Variants in NDUFAB1 observed in about 807,000 individuals in gnomAD.
The protein encoded by NDUFAB1 is NADH:ubiquinone oxidoreductase subunit AB1.
NDUFAB1 carries 5 observed loss-of-function variants against 16.1 expected under a neutral mutation model. The ratio of observed to expected loss-of-function variants is 0.31; its 90% CI spans 0.16 to 0.65. The LOEUF (loss-of-function observed/expected upper bound fraction) is 0.65, where lower values mean the gene tolerates loss of function less well. NDUFAB1 is among the 30% of genes least tolerant of loss of function. The pLI is 0.77. For synonymous variants in NDUFAB1, 85 were observed against 78.4 expected, an observed-to-expected ratio of 1.08 and a Z score of -0.44; for missense variants, 187 against 205.3, an observed-to-expected ratio of 0.91 and a Z score of 0.54.
At chr16:23,581,413 G>A (rs886098064) in intron 4 of NDUFAB1, among the ~76,000 whole-genome samples, 2 of 152,066 alleles carry the variant, frequency 1.3e-5, no homozygotes, top group Non-Finnish European at 2.9e-5. Flanking sequence ...GGGCGTGGAG[G>A]TGCACGCCTG....
At position 23,584,199 on chromosome 16, in the gene NDUFAB1, T is replaced by C. The variant is rs555039327; in HGVS notation, c.379+1137A>G. Among the ~76,000 whole-genome samples the C allele has an allele frequency of 2.2e-3, 285 of 129,702 alleles. 4 individuals are homozygous for C. Among genetic ancestry groups the C allele is most frequent in the Admixed American group, 3.1e-3 (36 of 11,612 alleles). 85.1% of individuals were successfully genotyped at this position (129,702 alleles called of 152,430 possible). On this transcript the variant is annotated intron_variant, in intron 3 of 4. Transcript: ENST00000007516. ...TTACCTGCTGACCTTCCCTCCACTA[T>C]TGTCCTATGACCCTGCCAAATCCCC...
intron 3 of NDUFAB1, among the ~76,000 whole-genome samples, chr16:23,583,550 A>G (rs1362193528): frequency 1.8e-5 from 2 of 108,132 alleles, no homozygotes; most frequent in African/African-American, 3.6e-5. Context: ...CCGCGACCCC[A>G]TCTGGGAGGT....
Position 23,596,188 on chromosome 16 carries a change from C to T in NDUFAB1, c.103G>A (p.Ala35Thr), listed in dbSNP as rs1369686521. 6 of 1,610,862 alleles carry T rather than the reference C, an allele frequency of 3.7e-6. No homozygotes were observed. Among genetic ancestry groups the T allele is most frequent in the African/African-American group, 1.3e-5 (1 of 74,550 alleles). ...MLAVARPLST[A>T]LCSAGTQTRL... ...GTCTGGGTCCCCGCGGAGCAGAGAG[C>T]GGTGCTGAGAGGCCGGGCCACGGCC... The change falls in exon 1 of 5, where the codon GCT (alanine) becomes ACT (threonine). Residue 35 changes from alanine to threonine, a missense_variant. By Grantham distance (58) the Ala-to-Thr change is moderately conservative. Around this residue, in one of 3 missense-constraint regions of NDUFAB1, gnomAD observed 135 missense variants for 129.4 expected, o/e 1.04. Coordinates refer to ENST00000007516, the MANE Select transcript of NDUFAB1 (RefSeq NM_005003.3).
intron 1 of NDUFAB1, 66 bp downstream of exon 1, chr16:23,596,057 G>A: frequency 6.5e-7 from 1 of 1,534,390 alleles, no homozygotes. Flanking sequence ...CGGATGCCCG[G>A]CCCCCACCCC....
chr16:23,590,144 T>C (rs1036429716), intron 1 of NDUFAB1, among the ~76,000 whole-genome samples: 2 of 152,222 alleles, frequency 1.3e-5, no homozygotes, highest in African/African-American at 4.8e-5. Context: ...AACTAGGTTG[T>C]CAGCATTGTC....
chr16:23,582,562 G>GGTTTGTTT (rs1175906519), intron 3 of NDUFAB1, among the ~76,000 whole-genome samples, 187 bp from the exon 4 acceptor site: 2 of 132,598 alleles, frequency 1.5e-5, no homozygotes, highest in African/African-American at 6.0e-5. Context: ...ATGCTTTGGA[G>GGTTTGTTT]GTATGTTTGT....
chr16:23,595,403 C>T (rs1847114356), intron 1 of NDUFAB1: 1 of 370,230 alleles, frequency 2.7e-6, no homozygotes, highest in South Asian at 2.0e-5. Context: ...GGACCCCCGA[C>T]TATACCCAAA....
At position 23,582,388 on chromosome 16, in the gene NDUFAB1, T is replaced by TA; in HGVS notation, c.380-14dup. 2 of 1,544,482 alleles carry TA rather than the reference T, an allele frequency of 1.3e-6. No homozygotes were observed. Among genetic ancestry groups the TA allele is most frequent in the Non-Finnish European group, 1.7e-6 (2 of 1,149,932 alleles). ...GGAATTTCAAACCCTAAAAGAAAAATATACAACAATGTGAGAGAGTTAAAA... is the reference window on the plus strand; with the variant it reads ...GGAATTTCAAACCCTAAAAGAAAAATAATACAACAATGTGAGAGAGTTAAAA... On this transcript the variant is annotated splice_polypyrimidine_tract_variant and intron_variant, in intron 3 of 4. Coordinates refer to ENST00000007516, the MANE Select transcript of NDUFAB1 (RefSeq NM_005003.3).
intron 1 of NDUFAB1, among the ~76,000 whole-genome samples, chr16:23,589,486 G>A (rs1188351984): frequency 1.3e-5 from 2 of 152,088 alleles, no homozygotes; most frequent in African/African-American, 2.4e-5. Flanking sequence ...CACATGACCG[G>A]CCTACTTAAC....
Position 23,587,271 on chromosome 16 carries a change from G to C in NDUFAB1, c.217C>G (p.Pro73Ala). 12 of 1,614,040 alleles carry C rather than the reference G, an allele frequency of 7.4e-6. No individual in the cohort carries two copies. Among genetic ancestry groups the C allele is most frequent in the Non-Finnish European group, 9.3e-6 (11 of 1,179,922 alleles). The change falls in exon 2 of 5, where the codon CCT (proline) becomes GCT (alanine). Residue 73 changes from proline to alanine, a missense_variant. Around this residue, in one of 3 missense-constraint regions of NDUFAB1, gnomAD observed 135 missense variants for 129.4 expected, o/e 1.04. Coordinates refer to ENST00000007516, the MANE Select transcript of NDUFAB1 (RefSeq NM_005003.3). ...QLCRQYSDMP[P>A]LTLEGIQDRV... ...TCCTGGATGCCCTCTAACGTCAAAG[G>C]AGGCATGTCGCTATACTGGCGGCAC...
At position 23,584,677 on chromosome 16, in the gene NDUFAB1, G is replaced by T. The variant is rs116751766; in HGVS notation, c.379+659C>A. Among the ~76,000 whole-genome samples the T allele has an allele frequency of 2.3e-3, 351 of 152,210 alleles. 1 individual carries two copies. Among genetic ancestry groups the T allele is most frequent in the African/African-American group, 8.0e-3 (334 of 41,550 alleles). ...CAGTTACTTGTCCAGGCTCATACCT[G>T]ACTAAGCTCAATTCCAGACCTGGTA... On this transcript the variant is annotated intron_variant, in intron 3 of 4. Coordinates refer to ENST00000007516, the MANE Select transcript of NDUFAB1 (RefSeq NM_005003.3).
intron 1 of NDUFAB1, among the ~76,000 whole-genome samples, chr16:23,590,724 C>T (rs1966273083): frequency 2.7e-5 from 4 of 150,376 alleles, no homozygotes; most frequent in Non-Finnish European, 5.9e-5. Context: ...ACAACTTCTG[C>T]CTCCCAGGTT....
chr16:23,582,458 A>G (rs994590297), intron 3 of NDUFAB1, 83 bp from the exon 4 acceptor site: 16 of 1,380,134 alleles, frequency 1.2e-5, no homozygotes, highest in African/African-American at 1.5e-5. Context: ...CTTCTACAAC[A>G]GCTACAAGTA....
At chr16:23,585,595 T>C (rs1489196767) in intron 2 of NDUFAB1, among the ~76,000 whole-genome samples, 172 bp from the exon 3 acceptor site, 2 of 152,226 alleles carry the variant, frequency 1.3e-5, no homozygotes, top group African/African-American at 4.8e-5. Context: ...ATGTGCCATG[T>C]TGGTTTGCTG....
At chr16:23,583,860 T>G (rs1966207006) in intron 3 of NDUFAB1, among the ~76,000 whole-genome samples, 1 of 152,184 alleles carries the variant, frequency 6.6e-6, no homozygotes, top group African/African-American at 2.4e-5. Flanking sequence ...AGATTGTTGC[T>G]GTGTCTGTGT....
At chr16:23,590,659 C>G (rs956023301) in intron 1 of NDUFAB1, among the ~76,000 whole-genome samples, 4 of 99,680 alleles carry the variant, frequency 4.0e-5, no homozygotes. Context: ...TTTTTTCAGA[C>G]AGAGTCTCAC....
intron 3 of NDUFAB1, among the ~76,000 whole-genome samples, chr16:23,583,945 T>TG (rs1246295658): frequency 1.3e-3 from 193 of 152,046 alleles, no homozygotes; most frequent in African/African-American, 4.5e-3. Context: ...ATGCTGTTGA[T>TG]CTATGACCTT....
intron 1 of NDUFAB1, chr16:23,595,399 C>T (rs2142240668): frequency 8.2e-6 from 3 of 368,046 alleles, no homozygotes; most frequent in South Asian, 6.0e-5. Context: ...TCCAGGACCC[C>T]CGACTATACC....
chr16:23,583,809 G>T (rs1050723691), intron 3 of NDUFAB1, among the ~76,000 whole-genome samples: 2 of 151,658 alleles, frequency 1.3e-5, no homozygotes, highest in African/African-American at 4.9e-5. Context: ...CGGTTGTTTC[G>T]AATAGAAAAG....
Sources: gnomAD v4.1 joint callset for allele counts (sites outside exome capture counted in the v4.1 genomes callset) on GRCh38, gnomAD v4.1.1 for gene constraint, gnomAD v4.1.1 regional missense constraint, MANE v1.5 for transcripts, NCBI Gene and HGNC (gene_info 2026-07-23, HGNC 2026-07-21) for gene names.